The following PURG variants were observed in gnomAD, a reference collection of about 807,000 sequenced individuals.
The protein encoded by PURG is purine rich element binding protein G.
PURG carries 3 observed loss-of-function variants against 24.3 expected under a neutral mutation model. The observed-to-expected ratio is 0.12, with a 90% CI of 0.06 to 0.32. PURG has a LOEUF of 0.32. Ranked by LOEUF, PURG falls within the 10% of genes least tolerant of loss-of-function variation. The probability of loss-of-function intolerance (pLI) is 1.00; values close to 1 mark genes in which losing one functional copy is unlikely to be tolerated. For synonymous variants in PURG, 180 were observed against 173.1 expected, an observed-to-expected ratio of 1.04 and a Z score of -0.31; for missense variants, 371 against 439.1, an observed-to-expected ratio of 0.84 and a Z score of 1.39.
At chr8:30,999,161 G>A in intron 1 of PURG, among the ~76,000 whole-genome samples, 1 of 151,758 alleles carries the variant, frequency 6.6e-6, no homozygotes, top group South Asian at 2.1e-4. Flanking sequence ...GGGGATATGG[G>A]TGTGTTTTAA....
At chr8:31,010,368 A>G (rs2129796352) in intron 1 of PURG, among the ~76,000 whole-genome samples, 1 of 152,310 alleles carries the variant, frequency 6.6e-6, no homozygotes, top group Middle Eastern at 3.4e-3. Flanking sequence ...AGTTTGAGGC[A>G]GAGGCTGAGG....
Position 31,031,803 on chromosome 8 carries a change from C to G in PURG, c.980G>C (p.Ser327Thr), listed in dbSNP as rs1004477587. 1.3e-6 allele frequency: 2 copies of G among 1,556,516 alleles called. No individual in the cohort carries two copies. The highest frequency in any genetic ancestry group is 2.7e-5 in the African/African-American group (2 of 73,244). Residue 327 changes from serine (S) to threonine (T), a missense_variant, in exon 2 of 2, where the codon AGC becomes ACC. By Grantham distance (58) the Ser-to-Thr change is moderately conservative. Transcript: ENST00000523392. ...YEEEMRKICN[S>T]HKEKRMDGRK... ...GCCATCCATTCTCTTTTCTTTATGG[C>G]TGTTGCAAATTTTCCTCATCTCTTC...
chr8:31,014,359 T>C (rs1325846913), intron 1 of PURG, among the ~76,000 whole-genome samples: 1 of 152,226 alleles, frequency 6.6e-6, no homozygotes, highest in Non-Finnish European at 1.5e-5. Context: ...TTTGGTTATT[T>C]AGATGTGTAT....
intron 1 of PURG, among the ~76,000 whole-genome samples, chr8:31,001,618 A>C (rs1254798078): frequency 6.6e-6 from 1 of 152,174 alleles, no homozygotes; most frequent in Non-Finnish European, 1.5e-5. Flanking sequence ...AGCTCATACC[A>C]CAGGCAAAAT....
rs886198352 is a variant in PURG, at chr8:31,031,785, A to G, written c.998T>C (p.Met333Thr). ...TTCACCACTGGCCTTTCTGCCATCC[A>G]TTCTCTTTTCTTTATGGCTGTTGCA... ...KICNSHKEKR[M>T]DGRKASGEEQ... Residue 333 changes from methionine to threonine, a missense_variant, in exon 2 of 2, where the codon ATG becomes ACG. Met to Thr is a moderately conservative substitution (Grantham distance 81). Transcript: ENST00000523392. 1 of 1,552,906 alleles carries G rather than the reference A, an allele frequency of 6.4e-7. No individual in the cohort carries two copies. The highest frequency in any genetic ancestry group is 2.0e-5 in the Admixed American group (1 of 51,072).
intron 1 of PURG, among the ~76,000 whole-genome samples, chr8:31,009,000 C>G (rs1435929073): frequency 6.6e-6 from 1 of 152,192 alleles, no homozygotes; most frequent in Non-Finnish European, 1.5e-5. Context: ...CGGCAAAAGG[C>G]AAGTGTGGAA....
At chr8:31,010,111 T>C (rs1388261058) in intron 1 of PURG, among the ~76,000 whole-genome samples, 1 of 151,814 alleles carries the variant, frequency 6.6e-6, no homozygotes, top group Non-Finnish European at 1.5e-5. Context: ...AAATAAAAAA[T>C]AAAAAAATAA....
intron 1 of PURG, among the ~76,000 whole-genome samples, chr8:31,020,935 T>G (rs1201960093): frequency 6.6e-6 from 1 of 152,166 alleles, no homozygotes; most frequent in South Asian, 2.1e-4. Context: ...GAACAGAAAC[T>G]CTGAGCTGGG....
chr8:30,997,315 T>C (rs780256496), intron 1 of PURG, among the ~76,000 whole-genome samples: 1 of 151,804 alleles, frequency 6.6e-6, no homozygotes, highest in Non-Finnish European at 1.5e-5. Flanking sequence ...TTGAGAAACG[T>C]CTGTTACTCA....
At position 31,031,461 on chromosome 8, in the gene PURG, A is replaced by T. The variant is rs1450436608; in HGVS notation, c.*278T>A. 1 of 379,350 alleles carries T rather than the reference A, an allele frequency of 2.6e-6. No individual in the cohort carries two copies. The highest frequency in any genetic ancestry group is 2.0e-5 in the African/African-American group (1 of 49,482). 23.5% of individuals were successfully genotyped at this position (379,350 alleles called of 1,614,324 possible). A position where few individuals can be genotyped will look rare whatever the true frequency, so the allele number is the denominator to read the frequency against. On this transcript the variant is annotated 3_prime_UTR_variant, in exon 2 of 2. Coordinates refer to ENST00000523392, the MANE Select transcript of PURG (RefSeq NM_001323311.2). ...TCTTAGTTATGGTATTTAGAATGTCAGAATGTCACATTTTGTGCTGATTTG... is the reference window on the plus strand; with the variant it reads ...TCTTAGTTATGGTATTTAGAATGTCTGAATGTCACATTTTGTGCTGATTTG...
intron 1 of PURG, among the ~76,000 whole-genome samples, chr8:31,020,337 T>G (rs971996643): frequency 6.6e-6 from 1 of 152,222 alleles, no homozygotes; most frequent in African/African-American, 2.4e-5. Context: ...CTACATGATG[T>G]ATGTCACAAA....
At chr8:31,016,873 T>C (rs945976185) in intron 1 of PURG, among the ~76,000 whole-genome samples, 48 of 152,166 alleles carry the variant, frequency 3.2e-4, no homozygotes, top group Admixed American at 1.0e-3. Flanking sequence ...GAAGCAAATG[T>C]AGAGTTTAAT....
chr8:31,002,384 A>G (rs1585352008), intron 1 of PURG, among the ~76,000 whole-genome samples: 1 of 152,248 alleles, frequency 6.6e-6, no homozygotes, highest in East Asian at 1.9e-4. Flanking sequence ...TTAAATCCCA[A>G]AAGTTTGATG....
rs565416842 is a variant in PURG, at chr8:31,032,318, G to C, written c.465C>G (p.Pro155=). 1.2e-6 allele frequency: 2 copies of C among 1,612,868 alleles called. No individual in the cohort carries two copies. Among genetic ancestry groups the C allele is most frequent in the Non-Finnish European group, 1.7e-6 (2 of 1,180,006 alleles). Residue 155 remains proline (P), a synonymous_variant, in exon 2 of 2, where the codon CCC becomes CCG. Coordinates refer to ENST00000523392, the MANE Select transcript of PURG (RefSeq NM_001323311.2). This position sits in a 1 kb window ranked among gnomAD's most constrained non-coding sequence, Gnocchi z 5.9. The stretch of plus-strand genomic sequence containing the variant: ...CGGACCCCACCGAGACTGGTGGGGA[G>C]GGTGCCGAGTGCTTCTGCCTCCTTC... ...GSRRRQKHSA[P]SPPVSVGSEE... is the part of the protein sequence containing the mutation.
Position 31,032,312 on chromosome 8 carries a change from T to G in PURG, c.471A>C (p.Pro157=), listed in dbSNP as rs897817458. Residue 157 remains proline, a synonymous_variant, in exon 2 of 2, where the codon CCA becomes CCC. Transcript: ENST00000523392. The surrounding 1 kb of genome is among the most constrained non-coding windows in gnomAD (Gnocchi z 5.9). ...RRRQKHSAPS[P]PVSVGSEEHP... ...GCTCTTCGGACCCCACCGAGACTGG[T>G]GGGGAGGGTGCCGAGTGCTTCTGCC... is the stretch of plus-strand genomic sequence containing the variant. 8.1e-6 allele frequency: 13 copies of G among 1,612,048 alleles called. No homozygotes were observed. The highest frequency in any genetic ancestry group is 1.1e-5 in the Non-Finnish European group (13 of 1,179,892).
chr8:31,024,735 A>G (rs939878807), intron 1 of PURG, among the ~76,000 whole-genome samples: 1 of 152,122 alleles, frequency 6.6e-6, no homozygotes, highest in Non-Finnish European at 1.5e-5. Context: ...TTTCTGATAA[A>G]AGTAATCCTG....
intron 1 of PURG, among the ~76,000 whole-genome samples, chr8:31,009,964 G>A (rs2129795360): frequency 6.6e-6 from 1 of 152,236 alleles, no homozygotes; most frequent in East Asian, 1.9e-4. Context: ...GGGCATGGTG[G>A]TGCATGCCTG....
At chr8:31,022,718 A>G (rs1421742838) in intron 1 of PURG, among the ~76,000 whole-genome samples, 2 of 152,198 alleles carry the variant, frequency 1.3e-5, no homozygotes, top group Non-Finnish European at 2.9e-5. Flanking sequence ...ATAACATGAG[A>G]TACCCTTTTT....
intron 1 of PURG, among the ~76,000 whole-genome samples, chr8:31,000,151 A>G (rs145474017): frequency 2.6e-5 from 4 of 152,120 alleles, no homozygotes; most frequent in African/African-American, 7.2e-5. Context: ...AGCAAAAAAT[A>G]TGATGCATGG....
Sources: gnomAD v4.1 joint callset for allele counts (sites outside exome capture counted in the v4.1 genomes callset) on GRCh38, gnomAD v4.1.1 for gene constraint, Gnocchi (gnomAD v3.1) non-coding constraint, MANE v1.5 for transcripts, NCBI Gene and HGNC (gene_info 2026-07-23, HGNC 2026-07-21) for gene names.